The following CATSPER3 variants were observed in gnomAD, a reference collection of about 807,000 sequenced individuals.
The protein encoded by CATSPER3 is cation channel sperm-associated protein 3.
In CATSPER3, 23 loss-of-function variants were observed where a neutral mutation model predicts 36.6. The observed-to-expected ratio is 0.63, with a 90% CI of 0.45 to 0.89. The LOEUF is 0.89. CATSPER3 is among the 40% of genes least tolerant of loss of function. CATSPER3 has a pLI of 0.00. For missense variants in CATSPER3, 474 were observed against 503.9 expected (o/e 0.94, Z 0.57); for synonymous variants, 172 against 184.1 (o/e 0.93, Z 0.53).
At chr5:134,995,289 C>A (rs965118370) in intron 2 of CATSPER3, among the ~76,000 whole-genome samples, 2 of 152,060 alleles carry the variant, frequency 1.3e-5, no homozygotes, top group Admixed American at 1.3e-4. Flanking sequence ...TCATCCCCTG[C>A]CCTTCCTGGC....
At chr5:134,983,386 T>A (rs1177026788) in intron 2 of CATSPER3, among the ~76,000 whole-genome samples, 1 of 151,964 alleles carries the variant, frequency 6.6e-6, no homozygotes, top group African/African-American at 2.4e-5. Context: ...AATACAAAAA[T>A]TAGCCAGGTG....
chr5:135,010,397 A>T lies in CATSPER3; in HGVS notation c.961A>T (p.Ser321Cys), dbSNP rs776860637. The T allele has an allele frequency of 3.1e-6, 5 of 1,614,084 alleles. No homozygotes were observed. The Admixed American group carries it at 8.3e-5, about 27-fold the overall frequency. Residue 321 changes from serine to cysteine, a missense_variant, in exon 7 of 8, where the codon AGT becomes TGT. Transcript: ENST00000282611. ...IQKNADCTSFSELVENFKKTL... is the reference protein window; with the variant it reads ...IQKNADCTSFCELVENFKKTL... ...GAAAAATGCTGACTGCACAAGTTTC[A>T]GTGAGCTGGTGGAGAACTTTAAGAA...
intron 3 of CATSPER3, among the ~76,000 whole-genome samples, chr5:135,000,998 T>A (rs1021629023): frequency 6.6e-6 from 1 of 152,192 alleles, no homozygotes; most frequent in African/African-American, 2.4e-5. Flanking sequence ...GCTTCTCTAG[T>A]TTTTTTAATT....
intron 3 of CATSPER3, among the ~76,000 whole-genome samples, chr5:135,006,561 G>A (rs1325094212): frequency 6.6e-6 from 1 of 152,050 alleles, no homozygotes; most frequent in Admixed American, 6.6e-5. Context: ...TATCGGCTGG[G>A]CGCCGTGGCT....
At chr5:135,005,855 G>A (rs1030284094) in intron 3 of CATSPER3, among the ~76,000 whole-genome samples, 4 of 152,192 alleles carry the variant, frequency 2.6e-5, no homozygotes, top group African/African-American at 9.7e-5. Context: ...TCCTCCTCCT[G>A]GGGCCAGATC....
At chr5:134,987,122 T>C (rs1014533748) in intron 2 of CATSPER3, among the ~76,000 whole-genome samples, 1 of 152,148 alleles carries the variant, frequency 6.6e-6, no homozygotes, top group Non-Finnish European at 1.5e-5. Flanking sequence ...TTTAGCTAGA[T>C]TGACTAAGAA....
At chr5:134,979,788 CT>C (rs1361481540) in intron 2 of CATSPER3, among the ~76,000 whole-genome samples, 1 of 152,168 alleles carries the variant, frequency 6.6e-6, no homozygotes, top group Non-Finnish European at 1.5e-5. Context: ...AAGATTTCAC[CT>C]TTAGCTGATC....
chr5:134,971,782 A>G (rs1751610318), intron 2 of CATSPER3, among the ~76,000 whole-genome samples: 1 of 152,180 alleles, frequency 6.6e-6, no homozygotes. Flanking sequence ...TGGAAATGGA[A>G]TAAAAATTGA....
chr5:134,970,065 A>G lies in CATSPER3; in HGVS notation c.225A>G (p.Ile75Met). ...TGGCCTTGTGGACCAGTTATGACAT[A>G]AGGTACCGCTTGTTCAGACTTCTTG... ...FFMALWTSYD[I>M]RYRLFRLLEF... Residue 75 changes from isoleucine (I) to methionine (M), a missense_variant, in exon 2 of 8, where the codon ATA becomes ATG. Ile to Met is a conservative substitution (Grantham distance 10, BLOSUM62 1). Coordinates refer to ENST00000282611, the MANE Select transcript of CATSPER3 (RefSeq NM_178019.3). 1.2e-6 allele frequency: 2 copies of G among 1,614,096 alleles called. No homozygotes were observed. The highest frequency in any genetic ancestry group is 1.1e-5 in the South Asian group (1 of 91,076).
chr5:134,969,770 A>G (rs1751579147), intron 1 of CATSPER3, 169 bp from the exon 2 acceptor site: 1 of 706,652 alleles, frequency 1.4e-6, no homozygotes, highest in Non-Finnish European at 2.5e-6. Context: ...ATCATCATAT[A>G]TATGTCAGTG....
chr5:135,003,486 A>G (rs1159527914), intron 3 of CATSPER3, among the ~76,000 whole-genome samples: 2 of 152,222 alleles, frequency 1.3e-5, no homozygotes, highest in Non-Finnish European at 1.5e-5. Context: ...AAGCTGTCAG[A>G]CAGGGAAATT....
intron 2 of CATSPER3, among the ~76,000 whole-genome samples, chr5:134,993,696 A>G (rs1206163064): frequency 6.6e-6 from 1 of 152,218 alleles, no homozygotes; most frequent in Non-Finnish European, 1.5e-5. Flanking sequence ...ACTGATTCTC[A>G]ATAAGCAAAA....
At position 135,007,784 on chromosome 5, in the gene CATSPER3, T is replaced by C. The variant is rs535347008; in HGVS notation, c.493-173T>C. On this transcript the variant is annotated intron_variant, in intron 3 of 7. Coordinates refer to ENST00000282611, the MANE Select transcript of CATSPER3 (RefSeq NM_178019.3). The stretch of plus-strand genomic sequence containing the variant: ...CTGATTCACTTCATTAATTCGTTAG[T>C]TTATTCAACCAACCAACCAACCCAC... Among the ~76,000 whole-genome samples the C allele has an allele frequency of 2.4e-3, 371 of 152,292 alleles. 2 individuals are homozygous for C. The highest frequency in any genetic ancestry group is 8.6e-3 in the African/African-American group (359 of 41,544).
At chr5:134,986,301 C>T (rs1751807393) in intron 2 of CATSPER3, among the ~76,000 whole-genome samples, 1 of 151,868 alleles carries the variant, frequency 6.6e-6, no homozygotes, top group African/African-American at 2.4e-5. Context: ...TGTGCCACCA[C>T]ACCCAGCTAA....
chr5:134,987,480 A>G (rs1751825949), intron 2 of CATSPER3, among the ~76,000 whole-genome samples: 1 of 152,238 alleles, frequency 6.6e-6, no homozygotes, highest in Admixed American at 6.5e-5. Flanking sequence ...GAGCTCATCC[A>G]TGAGACCAGC....
chr5:135,002,700 A>C (rs1033518720), intron 3 of CATSPER3, among the ~76,000 whole-genome samples: 1 of 152,128 alleles, frequency 6.6e-6, no homozygotes, highest in African/African-American at 2.4e-5. Context: ...CATTTCATTC[A>C]TTTGATCTTC....
chr5:134,989,789 T>G (rs1192498805), intron 2 of CATSPER3, among the ~76,000 whole-genome samples: 1 of 152,256 alleles, frequency 6.6e-6, no homozygotes, highest in Non-Finnish European at 1.5e-5. Context: ...CTTCAAGAAC[T>G]TTTCCTTTCT....
intron 2 of CATSPER3, among the ~76,000 whole-genome samples, chr5:134,985,616 G>C (rs1316032704): frequency 6.6e-6 from 1 of 152,036 alleles, no homozygotes; most frequent in Non-Finnish European, 1.5e-5. Context: ...ACCCCTAAAA[G>C]TATTGAAATA....
At chr5:134,988,312 T>C (rs1751835384) in intron 2 of CATSPER3, among the ~76,000 whole-genome samples, 1 of 152,234 alleles carries the variant, frequency 6.6e-6, no homozygotes, top group African/African-American at 2.4e-5. Context: ...CTGGAGTGTC[T>C]GTGGCAATTT....
Sources: gnomAD v4.1 joint callset for allele counts (sites outside exome capture counted in the v4.1 genomes callset) on GRCh38, gnomAD v4.1.1 for gene constraint, MANE v1.5 for transcripts, NCBI Gene and HGNC (gene_info 2026-07-23, HGNC 2026-07-21) for gene names.